ADAP2: variants seen among roughly 807,000 people sequenced by gnomAD.
ADAP2 encodes arf-GAP with dual PH domain-containing protein 2.
A neutral mutation model predicts 54.9 loss-of-function variants in ADAP2; 42 were observed. The observed-to-expected ratio is 0.77, with a 90% CI of 0.60 to 0.99. The LOEUF is 0.99. Among genes scored for constraint, ADAP2 ranks in the 50% least tolerant of loss-of-function variants. The pLI, the probability that ADAP2 is intolerant of heterozygous loss-of-function variation, is 0.00. For synonymous variants in ADAP2, 177 were observed against 180.1 expected (o/e 0.98, Z 0.14); for missense variants, 429 against 480.4 (o/e 0.89, Z 1.00).
rs113136221 is a variant in ADAP2 at position 30,958,215 on chromosome 17, T to TA, written c.*361dup. The stretch of plus-strand genomic sequence containing the variant: ...ACAGCATCATGCAAGTGGCATCTTG[T>TA]AAAAAAAAAAAAAAAGTTTAATCTG... On this transcript the variant is annotated 3_prime_UTR_variant, in exon 11 of 11. Coordinates refer to ENST00000330889, the MANE Select transcript of ADAP2 (RefSeq NM_018404.3). 6,371 of 188,806 alleles carry TA rather than the reference T, an allele frequency of 0.034. 108 individuals carry two copies. Among genetic ancestry groups the TA allele is most frequent in the African/African-American group, 0.077 (2,955 of 38,518 alleles). 11.7% of individuals were successfully genotyped at this position (188,806 alleles called of 1,614,324 possible).
intron 7 of ADAP2, 39 bp from the exon 8 acceptor site, chr17:30,953,249 G>A: frequency 6.2e-7 from 1 of 1,610,304 alleles, no homozygotes; most frequent in South Asian, 1.1e-5. Flanking sequence ...GGAGCCTTGG[G>A]GTGTGAGTTG....
At chr17:30,950,331 A>G (rs6505221) in intron 7 of ADAP2, among the ~76,000 whole-genome samples, 31,570 of 152,016 alleles carry the variant, frequency 0.21, 10,290 homozygotes, top group African/African-American at 0.7. Context: ...GGCCAGGGAG[A>G]CCCGCATGGT....
In ADAP2 at chr17:30,958,437, A is replaced by C. The variant is rs1383960616; in HGVS notation, c.*568A>C. 1.3e-5 allele frequency: 2 copies of C among 152,494 alleles called. No individual in the cohort carries two copies. Among genetic ancestry groups the C allele is most frequent in the East Asian group, 3.9e-4 (2 of 5,182 alleles). 9.4% of individuals were successfully genotyped at this position (152,494 alleles called of 1,614,324 possible). On this transcript the variant is annotated 3_prime_UTR_variant, in exon 11 of 11. Transcript: ENST00000330889. The stretch of plus-strand genomic sequence containing the variant: ...GAAAGAAAAAGAGGAACTGAATGAA[A>C]TCTCAGATGGCTGAAATGTTAGAGA...
intron 4 of ADAP2, among the ~76,000 whole-genome samples, chr17:30,933,929 T>C (rs1911681264): frequency 6.6e-6 from 1 of 152,228 alleles, no homozygotes; most frequent in Non-Finnish European, 1.5e-5. Context: ...GGTCTTCTTA[T>C]GAGACAGCCT....
intron 6 of ADAP2, among the ~76,000 whole-genome samples, chr17:30,947,072 C>G (rs1040090135): frequency 1.3e-5 from 2 of 152,180 alleles, no homozygotes; most frequent in African/African-American, 2.4e-5. Flanking sequence ...GATGCCCCAG[C>G]CTGTCTGTTA....
chr17:30,927,754 C>T (rs899158727), intron 3 of ADAP2, among the ~76,000 whole-genome samples: 4 of 152,070 alleles, frequency 2.6e-5, no homozygotes, highest in Middle Eastern at 3.2e-3. Flanking sequence ...GCACAATGGC[C>T]AGTGCCTGTA....
At chr17:30,922,660 C>G (rs896454029) in intron 1 of ADAP2, among the ~76,000 whole-genome samples, 5 of 152,160 alleles carry the variant, frequency 3.3e-5, no homozygotes, top group African/African-American at 1.2e-4. Flanking sequence ...CGCCGAGCCC[C>G]GCGGTGCGCC....
At chr17:30,932,800 C>A (rs1425513701) in intron 4 of ADAP2, among the ~76,000 whole-genome samples, 1 of 151,748 alleles carries the variant, frequency 6.6e-6, no homozygotes, top group Non-Finnish European at 1.5e-5. Context: ...GAACTCCTGA[C>A]CTCATGATCT....
chr17:30,921,966 G>A lies in ADAP2; in HGVS notation c.-49G>A. ...CCGGGTCCCTCTCCACCTGCCGGGCGGAGCGCACGGGCCATGGGCTGAGCC... is the reference window on the plus strand; with the variant it reads ...CCGGGTCCCTCTCCACCTGCCGGGCAGAGCGCACGGGCCATGGGCTGAGCC... On this transcript the variant is annotated 5_prime_UTR_variant, in exon 1 of 11. Transcript: ENST00000330889. 1 of 1,195,596 alleles carries A rather than the reference G, an allele frequency of 8.4e-7. No individual in the cohort carries two copies. The highest frequency in any genetic ancestry group is 1.0e-6 in the Non-Finnish European group (1 of 958,078). 74.1% of individuals were successfully genotyped at this position (1,195,596 alleles called of 1,614,324 possible). A position where few individuals can be genotyped will look rare whatever the true frequency, so the allele number is the denominator to read the frequency against.
intron 3 of ADAP2, among the ~76,000 whole-genome samples, chr17:30,927,327 G>C (rs1911128727): frequency 6.6e-6 from 1 of 152,026 alleles, no homozygotes; most frequent in Non-Finnish European, 1.5e-5. Context: ...AATATGTCTA[G>C]AGCTGGCCAG....
chr17:30,955,568 G>A (rs756065128), intron 9 of ADAP2, among the ~76,000 whole-genome samples: 1 of 151,894 alleles, frequency 6.6e-6, no homozygotes, highest in Non-Finnish European at 1.5e-5. Flanking sequence ...TTAGCCGGAC[G>A]TGGTGGTGCG....
At chr17:30,936,035 C>G (rs966965020) in intron 5 of ADAP2, among the ~76,000 whole-genome samples, 11 of 152,148 alleles carry the variant, frequency 7.2e-5, no homozygotes, top group Admixed American at 1.3e-4. Flanking sequence ...CTTTAAACAC[C>G]TTATCCCTTA....
At position 30,956,200 on chromosome 17, in the gene ADAP2, C is replaced by A. The variant is rs369243479; in HGVS notation, c.883-41C>A. ...GTCAGGGCTGCAGGGCCCCTCTGCC[C>A]TGGGGGCACCCTCTGATGACCCTGT... On this transcript the variant is annotated intron_variant, in intron 9 of 10. Transcript: ENST00000330889. The A allele has an allele frequency of 1.8e-5, 29 of 1,596,704 alleles. No individual in the cohort carries two copies. The South Asian group carries it at 3.1e-4, about 17-fold the overall frequency.
chr17:30,944,987 G>A lies in ADAP2; in HGVS notation c.591G>A (p.Gly197=). 6.2e-7 allele frequency: 1 copy of A among 1,614,072 alleles called. No homozygotes were observed. Among genetic ancestry groups the A allele is most frequent in the Middle Eastern group, 1.7e-4 (1 of 6,060 alleles). ...FQTEKIGHPH[G]LQITYRRDGH... ...CAGAGAAGATAGGGCACCCCCATGGGCTGCAGATCACCTACAGGAGAGATG... is the reference window on the plus strand; with the variant it reads ...CAGAGAAGATAGGGCACCCCCATGGACTGCAGATCACCTACAGGAGAGATG... Residue 197 remains glycine (G), a synonymous_variant, in exon 6 of 11, where the codon GGG becomes GGA. Transcript: ENST00000330889.
At chr17:30,937,243 A>G (rs1911956777) in intron 5 of ADAP2, among the ~76,000 whole-genome samples, 1 of 148,352 alleles carries the variant, frequency 6.7e-6, no homozygotes, top group Admixed American at 6.7e-5. Context: ...ATTTTTTGAG[A>G]TGGGATTTCA....
rs9895656 is a variant in ADAP2 at position 30,929,272 on chromosome 17, C to T, written c.317+2354C>T. ...ATTACATGAGATAACTTATGTAGAA[C>T]CTTTCACATGCCACCCGACACACGG... On this transcript the variant is annotated intron_variant, in intron 3 of 10. Coordinates refer to ENST00000330889, the MANE Select transcript of ADAP2 (RefSeq NM_018404.3). Among the ~76,000 whole-genome samples the T allele has an allele frequency of 3.3e-3, 507 of 152,340 alleles. 3 individuals are homozygous for T. The highest frequency in any genetic ancestry group is 0.012 in the African/African-American group (489 of 41,566).
At chr17:30,941,209 A>G (rs774009344) in intron 5 of ADAP2, among the ~76,000 whole-genome samples, 17 of 152,176 alleles carry the variant, frequency 1.1e-4, no homozygotes, top group East Asian at 5.8e-4. Flanking sequence ...AGCTGCACCA[A>G]TTGAGGTATC....
Position 30,958,054 on chromosome 17 carries a change from C to T in ADAP2, c.*185C>T. 1.6e-6 allele frequency: 1 copy of T among 628,702 alleles called. No homozygotes were observed. Among genetic ancestry groups the T allele is most frequent in the Non-Finnish European group, 2.9e-6 (1 of 347,618 alleles). 38.9% of individuals were successfully genotyped at this position (628,702 alleles called of 1,614,324 possible). A position where few individuals can be genotyped will look rare whatever the true frequency, so the allele number is the denominator to read the frequency against. On this transcript the variant is annotated 3_prime_UTR_variant, in exon 11 of 11. Coordinates refer to ENST00000330889, the MANE Select transcript of ADAP2 (RefSeq NM_018404.3). Reference sequence around the variant, plus strand: ...CTCCCTGGGCCTTCCCCGCAACCCACCTCGGGGATCTGAGGATCTGGTGCA... The same window carrying T: ...CTCCCTGGGCCTTCCCCGCAACCCATCTCGGGGATCTGAGGATCTGGTGCA...
At chr17:30,934,343 C>A in intron 5 of ADAP2, 46 bp downstream of exon 5, 2 of 1,326,346 alleles carry the variant, frequency 1.5e-6, no homozygotes, top group South Asian at 1.2e-5. Context: ...TGAGCACTCT[C>A]ACCCGACTAA....
Sources: allele counts gnomAD v4.1 joint callset (sites outside exome capture counted in the v4.1 genomes callset), GRCh38; gene constraint gnomAD v4.1.1; transcripts MANE v1.5; gene names NCBI Gene and HGNC (gene_info 2026-07-23, HGNC 2026-07-21).